The following TAAR5 variants were observed in gnomAD, a reference collection of about 807,000 sequenced individuals.
TAAR5 encodes trace amine-associated receptor 5.
TAAR5 carries 27 observed loss-of-function variants against 21.1 expected under a neutral mutation model. The observed-to-expected ratio is 1.28, with a 90% CI of 0.94 to 1.76. The LOEUF (loss-of-function observed/expected upper bound fraction) is 1.76, where lower values mean the gene tolerates loss of function less well. Ranked by LOEUF, TAAR5 falls within the 40% of genes most tolerant of loss-of-function variation. The probability of loss-of-function intolerance (pLI) is 0.00; values close to 1 mark genes in which losing one functional copy is unlikely to be tolerated. For missense variants in TAAR5, 495 were observed against 405.6 expected, an observed-to-expected ratio of 1.22 and a Z score of -1.89; for synonymous variants, 203 against 167.5, an observed-to-expected ratio of 1.21 and a Z score of -1.64.
chr6:132,614,916 T>C, the TAAR5 span, among the ~76,000 whole-genome samples: 1 of 152,172 alleles, frequency 6.6e-6, no homozygotes, highest in Non-Finnish European at 1.5e-5. Flanking sequence ...CAGGCTGGAA[T>C]ACAGTAGTGC....
upstream of TAAR5, among the ~76,000 whole-genome samples, chr6:132,593,849 G>T (rs1376964047): frequency 6.6e-6 from 1 of 152,078 alleles, no homozygotes; most frequent in Non-Finnish European, 1.5e-5. Context: ...TTTCTGAAAA[G>T]GGGTTTCAGC....
chr6:132,610,260 A>G, the TAAR5 span, among the ~76,000 whole-genome samples: 1 of 152,148 alleles, frequency 6.6e-6, no homozygotes, highest in Non-Finnish European at 1.5e-5. Flanking sequence ...GCCTCAAGAG[A>G]AGCTTGACAT....
chr6:132,594,522 T>A (rs1776950423), upstream of TAAR5: 1 of 152,104 alleles, frequency 6.6e-6, no homozygotes, highest in Non-Finnish European at 1.5e-5. Flanking sequence ...AAAGCAGAGT[T>A]GAAATAGCCT....
At chr6:132,600,994 A>G in the TAAR5 span, among the ~76,000 whole-genome samples, 45 of 89,238 alleles carry the variant, frequency 5.0e-4, no homozygotes, top group African/African-American at 1.2e-3. Context: ...GGAAGGAAGG[A>G]GGGAAGGAGG....
the TAAR5 span, among the ~76,000 whole-genome samples, chr6:132,604,707 T>C: frequency 6.6e-6 from 1 of 152,118 alleles, no homozygotes; most frequent in Non-Finnish European, 1.5e-5. Flanking sequence ...TTCAAAACTT[T>C]ATCTCAGAGC....
the TAAR5 span, among the ~76,000 whole-genome samples, chr6:132,600,927 G>A: frequency 1.2e-4 from 9 of 76,822 alleles, no homozygotes; most frequent in East Asian, 6.7e-4. Flanking sequence ...GAAGGAAGGA[G>A]GGAAGGAGGG....
Position 132,589,348 on chromosome 6 carries a change from C to T in TAAR5, c.339G>A (p.Leu113=). 6 of 1,613,940 alleles carry T rather than the reference C, an allele frequency of 3.7e-6. No individual in the cohort carries two copies. The highest frequency in any genetic ancestry group is 5.1e-6 in the Non-Finnish European group (6 of 1,179,982). Residue 113 remains leucine (L), a synonymous_variant, in exon 1 of 1, where the codon CTG becomes CTA. Transcript: ENST00000258034. ...GDFLCRLHTY[L]DTLFCLTSIF... ...TGGAGGTGAGGCAGAAGAGGGTGTC[C>T]AGGTAGGTGTGCAGGCGGCAGAGGA...
chr6:132,607,379 C>T, the TAAR5 span, among the ~76,000 whole-genome samples: 1 of 151,992 alleles, frequency 6.6e-6, no homozygotes, highest in African/African-American at 2.4e-5. Context: ...CTATTGACCT[C>T]TTAATACTTC....
chr6:132,609,158 C>G, the TAAR5 span: 31 of 382,560 alleles, frequency 8.1e-5, no homozygotes, highest in South Asian at 6.1e-4. Flanking sequence ...AATCATGGCT[C>G]CAGTCATAAC....
the TAAR5 span, among the ~76,000 whole-genome samples, chr6:132,596,194 T>G: frequency 2.6e-5 from 4 of 152,192 alleles, no homozygotes; most frequent in Non-Finnish European, 4.4e-5. Context: ...TTGAGGTCCT[T>G]TCCCCCTGTT....
At position 132,589,088 on chromosome 6, in the gene TAAR5, CA is replaced by C; in HGVS notation, c.598del (p.Trp200GlyfsTer4). On this transcript the variant is annotated frameshift_variant, in exon 1 of 1. Transcript: ENST00000258034. LOFTEE classifies it high-confidence loss of function. ...GAACAAAGGGAAGTTTAACCAGCCC[CA>C]AAATTTATTGAGCAGCAGCTGGCAA... is the stretch of plus-strand genomic sequence containing the variant. ...GSCQLLLNKF[W>X]GWLNFPLFFV... The C allele has an allele frequency of 6.2e-7, 1 of 1,614,042 alleles. No individual in the cohort carries two copies. The highest frequency in any genetic ancestry group is 8.5e-7 in the Non-Finnish European group (1 of 1,179,978).
chr6:132,608,540 A>G, the TAAR5 span: 2 of 455,238 alleles, frequency 4.4e-6, no homozygotes, highest in East Asian at 7.0e-5. Context: ...TTTTTCTTGG[A>G]TAGGTGTTTT....
chr6:132,609,200 C>T, the TAAR5 span: 4 of 352,552 alleles, frequency 1.1e-5, no homozygotes, highest in East Asian at 7.5e-5. Flanking sequence ...ATGAAAAGAG[C>T]GGTTGGTGGG....
the TAAR5 span, among the ~76,000 whole-genome samples, chr6:132,598,616 G>A: frequency 6.6e-6 from 1 of 152,202 alleles, no homozygotes; most frequent in Non-Finnish European, 1.5e-5. Context: ...GCTGCTGCCA[G>A]TATTTATGCC....
At position 132,589,473 on chromosome 6, in the gene TAAR5, G is replaced by A. The variant is rs3813355; in HGVS notation, c.214C>T (p.Leu72=). ...TCAGCCAGGGCCAGGGAGAGCAGCA[G>A]GAAGTTGGTGGGCGTGTGAAGCGCT... The part of the protein sequence containing the change: ...FKALHTPTNF[L]LLSLALADMF... The change falls in exon 1 of 1, where the codon CTG becomes TTG. Residue 72 remains leucine (L), a synonymous_variant. Coordinates refer to ENST00000258034, the MANE Select transcript of TAAR5 (RefSeq NM_003967.3). The A allele has an allele frequency of 0.66, 1,059,891 of 1,613,616 alleles. 349,050 individuals are homozygous for A. Among genetic ancestry groups the A allele is most frequent in the South Asian group, 0.71 (64,644 of 91,050 alleles).
At chr6:132,609,559 C>T in the TAAR5 span, among the ~76,000 whole-genome samples, 1 of 152,162 alleles carries the variant, frequency 6.6e-6, no homozygotes, top group Non-Finnish European at 1.5e-5. Flanking sequence ...ATCCATCTAT[C>T]CAACATAGGT....
the TAAR5 span, among the ~76,000 whole-genome samples, chr6:132,605,443 C>T: frequency 6.6e-6 from 1 of 152,146 alleles, no homozygotes; most frequent in Non-Finnish European, 1.5e-5. Flanking sequence ...TAAGTCTATC[C>T]AAATAGATTA....
the TAAR5 span, among the ~76,000 whole-genome samples, chr6:132,602,246 G>A: frequency 6.6e-6 from 1 of 152,078 alleles, no homozygotes; most frequent in South Asian, 2.1e-4. Context: ...TATATTTATT[G>A]TGCACTTTAT....
chr6:132,615,907 C>G, the TAAR5 span, among the ~76,000 whole-genome samples: 2 of 147,382 alleles, frequency 1.4e-5, no homozygotes, highest in Admixed American at 6.8e-5. Flanking sequence ...CACACACACA[C>G]ACACACGAGA....
Sources: gnomAD v4.1 joint callset for allele counts (sites outside exome capture counted in the v4.1 genomes callset) on GRCh38, gnomAD v4.1.1 for gene constraint, MANE v1.5 for transcripts, NCBI Gene and HGNC (gene_info 2026-07-23, HGNC 2026-07-21) for gene names.